Variants in PHF24 observed in about 807,000 individuals in gnomAD.
The protein encoded by PHF24 is Galpha inhibitory interacting protein.
Under a neutral mutation model 42.6 loss-of-function variants are expected in PHF24, and 25 were observed. The observed-to-expected ratio is 0.59, with a 90% confidence interval of 0.43 to 0.82. The LOEUF is 0.82. PHF24 is among the 40% of genes least tolerant of loss of function. The pLI, the probability that PHF24 is intolerant of heterozygous loss-of-function variation, is 0.00. For missense variants in PHF24, 470 were observed against 538.1 expected, an observed-to-expected ratio of 0.87 and a Z score of 1.25; for synonymous variants, 185 against 204.8, an observed-to-expected ratio of 0.90 and a Z score of 0.83.
chr9:34,875,944 A>ACTCTCTCTCT, the PHF24 span, among the ~76,000 whole-genome samples: 67 of 85,660 alleles, frequency 7.8e-4, no homozygotes, highest in African/African-American at 3.4e-3. Flanking sequence ...ACACACACAC[A>ACTCTCTCTCT]CACACACTCT....
the PHF24 span, among the ~76,000 whole-genome samples, chr9:34,819,011 T>G: frequency 6.6e-6 from 1 of 152,196 alleles, no homozygotes; most frequent in African/African-American, 2.4e-5. Flanking sequence ...GTTATCTGTT[T>G]CTTCTGGAGT....
At chr9:34,698,223 G>T in the PHF24 span, among the ~76,000 whole-genome samples, 2 of 151,920 alleles carry the variant, frequency 1.3e-5, no homozygotes, top group South Asian at 2.1e-4. Context: ...CTCTTGATTG[G>T]GTGGGGGGCT....
chr9:34,707,457 T>G, the PHF24 span, among the ~76,000 whole-genome samples: 3 of 152,076 alleles, frequency 2.0e-5, no homozygotes, highest in African/African-American at 7.3e-5. Context: ...TAGCTTGGAG[T>G]AGGAATTAAG....
chr9:34,890,068 G>T, the PHF24 span, among the ~76,000 whole-genome samples: 1 of 152,160 alleles, frequency 6.6e-6, no homozygotes, highest in Non-Finnish European at 1.5e-5. Flanking sequence ...ATGGGGCTCC[G>T]CAGATCCAGA....
At chr9:34,690,379 C>T in the PHF24 span, 4 of 1,602,978 alleles carry the variant, frequency 2.5e-6, no homozygotes, top group Non-Finnish European at 2.6e-6. Context: ...ACACAGGGAC[C>T]CTTGAGGGTG....
chr9:34,952,094 A>G, the PHF24 span, among the ~76,000 whole-genome samples: 1 of 152,264 alleles, frequency 6.6e-6, no homozygotes, highest in Admixed American at 6.5e-5. Context: ...TAATAATTAA[A>G]ATAGTCTCTA....
the PHF24 span, among the ~76,000 whole-genome samples, chr9:34,838,922 T>C: frequency 6.6e-6 from 1 of 152,218 alleles, no homozygotes. Flanking sequence ...TTTGGAAATA[T>C]ACCTGAGAAG....
chr9:34,678,507 GTA>G, the PHF24 span, among the ~76,000 whole-genome samples: 3 of 152,020 alleles, frequency 2.0e-5, no homozygotes, highest in Admixed American at 6.5e-5. Flanking sequence ...GCTAATTTTT[GTA>G]TATTTAGTAG....
At chr9:34,670,362 C>T in the PHF24 span, among the ~76,000 whole-genome samples, 1 of 152,140 alleles carries the variant, frequency 6.6e-6, no homozygotes, top group African/African-American at 2.4e-5. Context: ...AAACTGGGGA[C>T]AGTCTTGTTG....
chr9:34,936,679 G>C, the PHF24 span, among the ~76,000 whole-genome samples: 1 of 151,206 alleles, frequency 6.6e-6, no homozygotes, highest in Admixed American at 6.6e-5. Context: ...TCTCTGCCCG[G>C]CCACCCATCG....
chr9:34,787,173 A>G, the PHF24 span, among the ~76,000 whole-genome samples: 1 of 152,234 alleles, frequency 6.6e-6, no homozygotes, highest in South Asian at 2.1e-4. Context: ...TAATAATGGT[A>G]TGATAGTTAT....
the PHF24 span, among the ~76,000 whole-genome samples, chr9:34,909,884 C>G: frequency 6.6e-6 from 1 of 152,166 alleles, no homozygotes; most frequent in Non-Finnish European, 1.5e-5. Flanking sequence ...GCCTTAGCCT[C>G]CCAAAGTGCT....
intron 1 of PHF24, among the ~76,000 whole-genome samples, chr9:34,963,930 AAATT>A (rs1173682476): frequency 1.3e-5 from 2 of 152,358 alleles, no homozygotes; most frequent in African/African-American, 2.4e-5. Flanking sequence ...GATCTTAAAT[AAATT>A]GTTTATGTTG....
the PHF24 span, among the ~76,000 whole-genome samples, chr9:34,822,703 A>T: frequency 2.6e-5 from 4 of 152,240 alleles, no homozygotes; most frequent in African/African-American, 9.6e-5. Flanking sequence ...TTTAAAAAAC[A>T]GAATTAGAGG....
intron 7 of PHF24, 104 bp downstream of exon 7, chr9:34,977,745 C>A: frequency 9.7e-7 from 1 of 1,031,836 alleles, no homozygotes; most frequent in Non-Finnish European, 1.5e-6. Context: ...CAGCAAGCGC[C>A]CACCCAAGAA....
At chr9:34,833,896 C>T in the PHF24 span, 900 of 1,545,070 alleles carry the variant, frequency 5.8e-4, 2 homozygotes, top group African/African-American at 7.0e-3. Flanking sequence ...TAGTGACTGC[C>T]GGGGCCAGGG....
At chr9:34,898,938 A>G in the PHF24 span, among the ~76,000 whole-genome samples, 1 of 152,220 alleles carries the variant, frequency 6.6e-6, no homozygotes, top group African/African-American at 2.4e-5. Flanking sequence ...CCTCTGCCTC[A>G]GAGCTGAGGA....
chr9:34,749,357 A>G, the PHF24 span, among the ~76,000 whole-genome samples: 2 of 152,194 alleles, frequency 1.3e-5, no homozygotes, highest in Non-Finnish European at 2.9e-5. Flanking sequence ...AGTACAAGAA[A>G]GTTATAGAAT....
the PHF24 span, among the ~76,000 whole-genome samples, chr9:34,759,628 T>C: frequency 6.6e-6 from 1 of 152,166 alleles, no homozygotes; most frequent in South Asian, 2.1e-4. Context: ...CTGCAGCTGC[T>C]GCTGCCCTCT....
Sources: gnomAD v4.1 joint callset for allele counts (sites outside exome capture counted in the v4.1 genomes callset) on GRCh38, gnomAD v4.1.1 for gene constraint, MANE v1.5 for transcripts, NCBI Gene and HGNC (gene_info 2026-07-23, HGNC 2026-07-21) for gene names.